ARSF: variants seen among roughly 807,000 people sequenced by gnomAD.
ARSF encodes the protein arylsulfatase F.
Under a neutral mutation model 35.4 loss-of-function variants are expected in ARSF, and 33 were observed. That is an observed-to-expected ratio of 0.93 (90% CI 0.71 to 1.25). ARSF has a LOEUF of 1.25. Ranked by LOEUF, ARSF falls within the 50% of genes most tolerant of loss-of-function variation. The pLI is 0.00. For synonymous variants in ARSF, 222 were observed against 193.1 expected, an observed-to-expected ratio of 1.15 and a Z score of -1.24; for missense variants, 501 against 480.2, an observed-to-expected ratio of 1.04 and a Z score of -0.40.
intron 7 of ARSF, among the ~76,000 whole-genome samples, chrX:3,098,088 A>AC (rs2090350304): frequency 7.5e-5 from 8 of 106,348 alleles, no homozygotes; most frequent in Admixed American, 3.1e-4. Context: ...ACACACACAC[A>AC]ATGGACACTT....
chrX:3,106,921 C>T (rs1056757387), intron 9 of ARSF, among the ~76,000 whole-genome samples: 8 of 111,737 alleles, frequency 7.2e-5, no homozygotes, highest in Non-Finnish European at 9.4e-5. Flanking sequence ...CAAGACCTCA[C>T]GTGGATACCA....
intron 5 of ARSF, 97 bp from the exon 6 acceptor site, chrX:3,084,146 T>G: frequency 2.0e-6 from 2 of 984,055 alleles, no homozygotes; most frequent in East Asian, 6.1e-5. Flanking sequence ...GTGTATTAGC[T>G]GATTGTTTCA....
Position 3,101,158 on chromosome X carries a change from G to C in ARSF, c.1039G>C (p.Gly347Arg). The C allele has an allele frequency of 2.5e-6, 3 of 1,211,067 alleles. No homozygotes were observed. The highest frequency in any genetic ancestry group is 2.2e-6 in the Non-Finnish European group (2 of 895,085). ...NTLVYFTSDH[G>R]GHLEARRGHA... ...CCTTGTCTACTTTACATCAGATCAC[G>C]GAGGGCATTTGGAAGCTAGGCGAGG... Residue 347 changes from glycine to arginine, a missense_variant, in exon 8 of 11, where the codon GGA (glycine) becomes CGA (arginine). Physicochemically the swap from Gly to Arg is moderately radical, Grantham distance 125. Coordinates refer to ENST00000381127, the MANE Select transcript of ARSF (RefSeq NM_001201539.2).
At chrX:3,085,807 C>T (rs1182682151) in intron 6 of ARSF, among the ~76,000 whole-genome samples, 1 of 110,957 alleles carries the variant, frequency 9.0e-6, no homozygotes, top group African/African-American at 3.3e-5. Context: ...TAGTTTGGGG[C>T]TGGCAGCGGT....
At chrX:3,100,852 C>T (rs1024947914) in intron 7 of ARSF, among the ~76,000 whole-genome samples, 3 of 111,790 alleles carry the variant, frequency 2.7e-5, no homozygotes, top group African/African-American at 9.7e-5. Flanking sequence ...ACTTCAGCCT[C>T]CCAAAGTGCT....
chrX:3,055,286 G>A (rs1001425084), intron 1 of ARSF, among the ~76,000 whole-genome samples: 1 of 97,695 alleles, frequency 1.0e-5, no homozygotes, highest in Admixed American at 1.2e-4. Flanking sequence ...AGGTTGCAGT[G>A]AGCCCAGATC....
At chrX:3,082,173 G>A (rs2090206381) in intron 5 of ARSF, among the ~76,000 whole-genome samples, 1 of 111,654 alleles carries the variant, frequency 9.0e-6, no homozygotes, top group Non-Finnish European at 1.9e-5. Context: ...GGCACCCTTT[G>A]GTGATCATTC....
intron 1 of ARSF, among the ~76,000 whole-genome samples, chrX:3,053,907 G>A (rs1260624322): frequency 9.2e-6 from 1 of 109,223 alleles, no homozygotes; most frequent in Admixed American, 9.9e-5. Context: ...GATTACAGGT[G>A]CCCACCACCA....
intron 6 of ARSF, among the ~76,000 whole-genome samples, chrX:3,088,878 A>G (rs2090267893): frequency 9.0e-6 from 1 of 111,015 alleles, no homozygotes; most frequent in Admixed American, 9.6e-5. Context: ...CATCCTTCCA[A>G]GGAGTTCTGG....
At chrX:3,090,731 G>A (rs2090283121) in intron 7 of ARSF, among the ~76,000 whole-genome samples, 1 of 111,980 alleles carries the variant, frequency 8.9e-6, no homozygotes, top group East Asian at 2.8e-4. Context: ...ATAGGATAAT[G>A]TCCACCACCG....
intron 1 of ARSF, among the ~76,000 whole-genome samples, chrX:3,064,542 C>T (rs2090055141): frequency 9.0e-6 from 1 of 111,710 alleles, no homozygotes; most frequent in African/African-American, 3.3e-5. Flanking sequence ...AAAATTTTTG[C>T]AGTGTACCCA....
chrX:3,112,722 G>A lies in ARSF; in HGVS notation c.*166G>A. 1.3e-6 allele frequency: 1 copy of A among 750,055 alleles called. No homozygotes were observed. The highest frequency in any genetic ancestry group is 1.8e-6 in the Non-Finnish European group (1 of 566,137). 61.8% of individuals were successfully genotyped at this position (750,055 alleles called of 1,213,427 possible). ...CCAGATTATTAAAGGCCCACTGGTTGTTCCACTTGCTGCTTTTTTTTGGAT... is the reference window on the plus strand; with the variant it reads ...CCAGATTATTAAAGGCCCACTGGTTATTCCACTTGCTGCTTTTTTTTGGAT... On this transcript the variant is annotated 3_prime_UTR_variant, in exon 11 of 11. Transcript: ENST00000381127.
intron 3 of ARSF, among the ~76,000 whole-genome samples, chrX:3,073,537 A>G (rs868764439): frequency 1.0e-5 from 1 of 98,334 alleles, no homozygotes; most frequent in Admixed American, 1.2e-4. Flanking sequence ...TATATTAATA[A>G]ATAAATATAT....
At position 3,060,513 on chromosome X, in the gene ARSF, C is replaced by T. The variant is rs192637085; in HGVS notation, c.-28-7560C>T. Among the ~76,000 whole-genome samples, 157 of 111,769 alleles carry T rather than the reference C, an allele frequency of 1.4e-3. 1 individual carries two copies. Among genetic ancestry groups the T allele is most frequent in the African/African-American group, 4.7e-3 (144 of 30,788 alleles). ...TCAGAAGGTCGGTAATAACAAACTT[C>T]TCCGAGCTAAAGGAAATGTTCAAAC... On this transcript the variant is annotated intron_variant, in intron 1 of 10. Transcript: ENST00000381127.
At chrX:3,104,672 C>T (rs1290457451) in intron 9 of ARSF, among the ~76,000 whole-genome samples, 1 of 111,991 alleles carries the variant, frequency 8.9e-6, no homozygotes, top group Non-Finnish European at 1.9e-5. Context: ...AAGCAAATTA[C>T]AACCGAAAAT....
At chrX:3,059,069 C>T (rs764293643) in intron 1 of ARSF, among the ~76,000 whole-genome samples, 1 of 111,727 alleles carries the variant, frequency 9.0e-6, no homozygotes, top group Admixed American at 9.5e-5. Flanking sequence ...AAAGCAGAGT[C>T]ACTTAACTAA....
At chrX:3,092,918 A>G (rs2090306467) in intron 7 of ARSF, among the ~76,000 whole-genome samples, 1 of 112,181 alleles carries the variant, frequency 8.9e-6, no homozygotes, top group Non-Finnish European at 1.9e-5. Flanking sequence ...CACGCCTGTA[A>G]TCCCAGCACT....
At chrX:3,072,312 T>A in intron 3 of ARSF, 137 bp downstream of exon 3, 1 of 554,338 alleles carries the variant, frequency 1.8e-6, no homozygotes. Context: ...TTTTTGATAG[T>A]TTTAAATTAT....
intron 1 of ARSF, among the ~76,000 whole-genome samples, chrX:3,059,497 T>C (rs368016127): frequency 6.9e-4 from 78 of 112,353 alleles, no homozygotes; most frequent in African/African-American, 2.5e-3. Flanking sequence ...GGGCATTGCC[T>C]CACCTGGGAA....
Sources: gnomAD v4.1 joint callset for allele counts (sites outside exome capture counted in the v4.1 genomes callset) on GRCh38, gnomAD v4.1.1 for gene constraint, MANE v1.5 for transcripts, NCBI Gene and HGNC (gene_info 2026-07-23, HGNC 2026-07-21) for gene names.